The following SSBP3 variants were observed in gnomAD, a reference collection of about 807,000 sequenced individuals.
SSBP3 encodes the protein single-stranded DNA-binding protein 3.
A neutral mutation model predicts 69.6 loss-of-function variants in SSBP3; 5 were observed. That is an observed-to-expected ratio of 0.07 (90% confidence interval 0.04 to 0.15). SSBP3 has a LOEUF of 0.15. SSBP3 is among the 10% of genes least tolerant of loss of function. SSBP3 has a pLI of 1.00. For synonymous variants in SSBP3, 196 were observed against 193.4 expected (o/e 1.01, Z -0.11); for missense variants, 312 against 534.0 (o/e 0.58, Z 4.10).
At chr1:54,234,027 C>CTGTT (rs1479757059) in intron 14 of SSBP3, among the ~76,000 whole-genome samples, 20 of 151,938 alleles carry the variant, frequency 1.3e-4, no homozygotes, top group African/African-American at 4.8e-4. Flanking sequence ...CCTTGGGATC[C>CTGTT]TGTTGATCTG....
At chr1:54,377,899 C>T (rs1647305455) in intron 4 of SSBP3, among the ~76,000 whole-genome samples, 2 of 152,132 alleles carry the variant, frequency 1.3e-5, no homozygotes, top group South Asian at 4.2e-4. Flanking sequence ...TACATGTTAT[C>T]TGCTATATTA....
intron 4 of SSBP3, among the ~76,000 whole-genome samples, chr1:54,369,638 T>C (rs1192371031): frequency 6.6e-6 from 1 of 152,064 alleles, no homozygotes; most frequent in Non-Finnish European, 1.5e-5. Context: ...AGATGCAAAA[T>C]TCAAGGTTCA....
intron 7 of SSBP3, among the ~76,000 whole-genome samples, chr1:54,253,098 G>A (rs1459915086): frequency 1.3e-5 from 2 of 151,990 alleles, no homozygotes; most frequent in African/African-American, 2.4e-5. Flanking sequence ...GGGTATGTGT[G>A]GTTAAGGTAC....
chr1:54,281,450 T>G lies in SSBP3; in HGVS notation c.354A>C (p.Pro118=), dbSNP rs569815985. Residue 118 remains proline (P), a synonymous_variant, in exon 5 of 18, where the codon CCA becomes CCC. Transcript: ENST00000610401. ...GCCCCGCACGTACCTGAAAGAAACC[T>G]GGCGGGATGGGGCCTCCCGGCATCC... 1.9e-6 allele frequency: 3 copies of G among 1,563,742 alleles called. No homozygotes were observed. In the East Asian group the frequency reaches 7.2e-5, roughly 38 times the overall value.
chr1:54,341,154 T>C (rs745344187), intron 4 of SSBP3, among the ~76,000 whole-genome samples: 1 of 152,186 alleles, frequency 6.6e-6, no homozygotes, highest in Non-Finnish European at 1.5e-5. Flanking sequence ...GAGGCTCAAG[T>C]AGAGGTCTCC....
chr1:54,265,159 A>G (rs1273112860), intron 5 of SSBP3, among the ~76,000 whole-genome samples: 1 of 152,194 alleles, frequency 6.6e-6, no homozygotes, highest in Non-Finnish European at 1.5e-5. Flanking sequence ...CCTCACCCAC[A>G]GCCCCCAAGG....
chr1:54,275,101 CTA>C (rs1429978463), intron 5 of SSBP3, among the ~76,000 whole-genome samples: 1 of 152,218 alleles, frequency 6.6e-6, no homozygotes, highest in Non-Finnish European at 1.5e-5. Flanking sequence ...CTCCACCAGA[CTA>C]TGAGCCCCTT....
intron 4 of SSBP3, among the ~76,000 whole-genome samples, chr1:54,320,282 G>A (rs55765234): frequency 6.6e-6 from 1 of 152,332 alleles, no homozygotes; most frequent in Non-Finnish European, 1.5e-5. Context: ...TGGCTTCAAA[G>A]AAGCCAAAGA....
rs200454632 is a variant in SSBP3 at position 54,228,408 on chromosome 1, C to A, written c.1035+41G>T. ...ACCTGTGTCCCCAACAACCTGCCCA[C>A]ACAGATGGGGCGCCGCCAGGGAGAC... is the stretch of plus-strand genomic sequence containing the variant. On this transcript the variant is annotated intron_variant, in intron 16 of 17. Coordinates refer to ENST00000610401, the Ensembl canonical transcript of SSBP3. The A allele has an allele frequency of 3.1e-6, 5 of 1,614,186 alleles. No homozygotes were observed. The African/African-American group carries it at 6.7e-5, about 22-fold the overall frequency.
chr1:54,349,878 TA>T (rs1233730792), intron 4 of SSBP3, among the ~76,000 whole-genome samples: 2 of 152,148 alleles, frequency 1.3e-5, no homozygotes, highest in Non-Finnish European at 2.9e-5. Flanking sequence ...CTGGAATACA[TA>T]ACACAAATTG....
intron 4 of SSBP3, among the ~76,000 whole-genome samples, chr1:54,327,241 G>GAAGC (rs1475747849): frequency 6.6e-6 from 1 of 151,010 alleles, no homozygotes; most frequent in Non-Finnish European, 1.5e-5. Flanking sequence ...AGGAAGGAAG[G>GAAGC]AAGGAAGGAA....
At position 54,297,492 on chromosome 1, in the gene SSBP3, G is replaced by A. The variant is rs538250052; in HGVS notation, c.277-15965C>T. On this transcript the variant is annotated intron_variant, in intron 4 of 17. Coordinates refer to ENST00000610401, the Ensembl canonical transcript of SSBP3. ...CTAAAAATACAAAAATTAGCCGGGC[G>A]TGGTGGTGCCTGCCTGTAATCTCAG... Among the ~76,000 whole-genome samples the A allele has an allele frequency of 1.1e-4, 16 of 152,302 alleles. No homozygotes were observed. In the South Asian group the frequency reaches 1.2e-3, roughly 12 times the overall value.
chr1:54,358,468 G>A (rs562286831), intron 4 of SSBP3, among the ~76,000 whole-genome samples: 1 of 152,304 alleles, frequency 6.6e-6, no homozygotes, highest in South Asian at 2.1e-4. Flanking sequence ...AGCTTCGTGA[G>A]CAACTCCACA....
intron 14 of SSBP3, among the ~76,000 whole-genome samples, chr1:54,233,200 G>A (rs1355789916): frequency 1.4e-5 from 2 of 144,742 alleles, no homozygotes; most frequent in African/African-American, 2.6e-5. Context: ...GCCACCCATC[G>A]TCTGAGATGT....
chr1:54,406,127 CGCTCGCTG>C (rs1649748223), exon 1 of SSBP3: 1 of 691,394 alleles, frequency 1.4e-6, no homozygotes, highest in Non-Finnish European at 2.1e-6. Context: ...CTCGCTCTCT[CGCTCGCTG>C]GCGCTCTCCT....
intron 4 of SSBP3, among the ~76,000 whole-genome samples, chr1:54,378,399 T>C (rs1326616841): frequency 6.6e-6 from 1 of 152,200 alleles, no homozygotes; most frequent in Non-Finnish European, 1.5e-5. Context: ...TCTGGGCCAC[T>C]GCACAAAGAA....
At chr1:54,312,199 G>C (rs1209235059) in intron 4 of SSBP3, among the ~76,000 whole-genome samples, 2 of 152,030 alleles carry the variant, frequency 1.3e-5, no homozygotes, top group African/African-American at 2.4e-5. Context: ...GGAGGCGGGG[G>C]ATCAGTGGAG....
chr1:54,266,966 T>C (rs1011303028), intron 5 of SSBP3, among the ~76,000 whole-genome samples: 2 of 152,248 alleles, frequency 1.3e-5, no homozygotes, highest in African/African-American at 4.8e-5. Context: ...AGTTTCATTC[T>C]TGCCACAATG....
chr1:54,319,855 G>A (rs1388635450), intron 4 of SSBP3, among the ~76,000 whole-genome samples: 3 of 152,290 alleles, frequency 2.0e-5, no homozygotes, highest in Admixed American at 1.3e-4. Context: ...TTTGAAGGAC[G>A]CAGGTGGCCT....
Sources: allele counts gnomAD v4.1 joint callset (sites outside exome capture counted in the v4.1 genomes callset), GRCh38; gene constraint gnomAD v4.1.1; transcripts MANE v1.5; gene names NCBI Gene and HGNC (gene_info 2026-07-23, HGNC 2026-07-21).